The following SNCAIP variants were observed in gnomAD, a reference collection of about 807,000 sequenced individuals.
The protein encoded by SNCAIP is synuclein alpha interacting protein, also known as synphilin-1.
A neutral mutation model predicts 86.7 loss-of-function variants in SNCAIP; 43 were observed. That is an observed-to-expected ratio of 0.50 (90% CI 0.39 to 0.64). The LOEUF is 0.64. Among genes scored for constraint, SNCAIP ranks in the 30% least tolerant of loss-of-function variants. SNCAIP has a pLI of 0.00. For missense variants in SNCAIP, 981 were observed against 1,103.1 expected, an observed-to-expected ratio of 0.89 and a Z score of 1.57; for synonymous variants, 417 against 427.2, an observed-to-expected ratio of 0.98 and a Z score of 0.29.
intron 1 of SNCAIP, among the ~76,000 whole-genome samples, chr5:122,337,312 C>T (rs767355309): frequency 2.0e-5 from 3 of 152,126 alleles, no homozygotes; most frequent in South Asian, 4.1e-4. Context: ...TAAGCATATA[C>T]ACTTCTAAGA....
chr5:122,389,126 T>C (rs1768815520), intron 1 of SNCAIP: 1 of 152,244 alleles, frequency 6.6e-6, no homozygotes, highest in Non-Finnish European at 1.5e-5. Context: ...TTGCTGTCTA[T>C]ATTGTTGGAG....
intron 1 of SNCAIP, among the ~76,000 whole-genome samples, chr5:122,341,881 A>G (rs1222522674): frequency 1.3e-5 from 2 of 152,172 alleles, no homozygotes; most frequent in Non-Finnish European, 2.9e-5. Flanking sequence ...GATGCTTCCA[A>G]AATCCTTTGT....
intron 1 of SNCAIP, among the ~76,000 whole-genome samples, chr5:122,324,549 G>C (rs1024335442): frequency 6.6e-6 from 1 of 152,214 alleles, no homozygotes; most frequent in African/African-American, 2.4e-5. Context: ...TGTCTAACAA[G>C]TAAATGTGTT....
At chr5:122,429,855 G>A (rs933058614) in intron 5 of SNCAIP, among the ~76,000 whole-genome samples, 5 of 152,102 alleles carry the variant, frequency 3.3e-5, no homozygotes, top group African/African-American at 9.7e-5. Flanking sequence ...AAGAACTTGA[G>A]ATAGAAAGGA....
intron 3 of SNCAIP, among the ~76,000 whole-genome samples, chr5:122,410,816 G>T (rs547340425): frequency 6.6e-6 from 1 of 152,166 alleles, no homozygotes; most frequent in African/African-American, 2.4e-5. Flanking sequence ...GCGAGATTCC[G>T]TCTCAAAAAA....
At chr5:122,324,291 G>A (rs1753575002) in intron 1 of SNCAIP, among the ~76,000 whole-genome samples, 1 of 152,146 alleles carries the variant, frequency 6.6e-6, no homozygotes, top group African/African-American at 2.4e-5. Flanking sequence ...GAACAACCTG[G>A]ATAGAATTAG....
intron 6 of SNCAIP, among the ~76,000 whole-genome samples, chr5:122,438,472 C>T (rs974941393): frequency 1.3e-5 from 2 of 152,294 alleles, no homozygotes; most frequent in South Asian, 4.1e-4. Context: ...CAAACCCTGA[C>T]TGGAATGATC....
At chr5:122,335,217 G>A (rs1756193593) in intron 1 of SNCAIP, among the ~76,000 whole-genome samples, 1 of 152,118 alleles carries the variant, frequency 6.6e-6, no homozygotes, top group South Asian at 2.1e-4. Context: ...GTTTTATAGA[G>A]AAGTTTGAGA....
chr5:122,353,759 A>G (rs1760408933), intron 1 of SNCAIP, among the ~76,000 whole-genome samples: 1 of 152,162 alleles, frequency 6.6e-6, no homozygotes, highest in Non-Finnish European at 1.5e-5. Context: ...TCCCTAGCCA[A>G]GTGGAACTGT....
chr5:122,340,295 A>C (rs1288642866), intron 1 of SNCAIP, among the ~76,000 whole-genome samples: 1 of 152,190 alleles, frequency 6.6e-6, no homozygotes, highest in African/African-American at 2.4e-5. Flanking sequence ...GAATTATTTT[A>C]AATACTGAGG....
intron 1 of SNCAIP, among the ~76,000 whole-genome samples, chr5:122,359,504 C>T (rs772211412): frequency 1.6e-4 from 24 of 151,950 alleles, no homozygotes; most frequent in South Asian, 8.3e-4. Context: ...GCTGGGACTA[C>T]GGGCACGTGC....
chr5:122,326,102 C>T lies in SNCAIP; in HGVS notation c.-47+13818C>T, dbSNP rs566785528. 6.6e-5 allele frequency among the ~76,000 whole-genome samples: 10 copies of T among 152,286 alleles called. No individual in the cohort carries two copies. In the East Asian group the frequency reaches 1.5e-3, roughly 24 times the overall value. On this transcript the variant is annotated intron_variant, in intron 1 of 10. Transcript: ENST00000261368. ...AATATTGACAGCTCAGCATCTTCAACTTAATTACTGTAAGGGCTGAGGCTA... is the reference window on the plus strand; with the variant it reads ...AATATTGACAGCTCAGCATCTTCAATTTAATTACTGTAAGGGCTGAGGCTA...
chr5:122,401,003 G>C (rs1771693051), intron 2 of SNCAIP: 1 of 1,550,084 alleles, frequency 6.5e-7, no homozygotes, highest in Non-Finnish European at 8.7e-7. Flanking sequence ...GGAGTCAAGG[G>C]AACAGGCTAC....
Position 122,403,820 on chromosome 5 carries a change from C to G in SNCAIP, c.85C>G (p.Pro29Ala). The change falls in exon 3 of 11, where the codon CCA (proline) becomes GCA (alanine). Residue 29 changes from proline (P) to alanine (A), a missense_variant. By Grantham distance (27) the Pro-to-Ala change is conservative (BLOSUM62 -1). Transcript: ENST00000261368. The stretch of plus-strand genomic sequence containing the variant: ...TTCAGTCACATCACTCAAGACGATC[C>G]CAGAACTGTGCCGAAGATGTGATAC... ...SYSVTSLKTI[P>A]ELCRRCDTQN... 3 of 1,613,782 alleles carry G rather than the reference C, an allele frequency of 1.9e-6. No homozygotes were observed. The highest frequency in any genetic ancestry group is 2.5e-6 in the Non-Finnish European group (3 of 1,179,780).
At chr5:122,434,823 G>A (rs1182273870) in intron 6 of SNCAIP, among the ~76,000 whole-genome samples, 2 of 152,208 alleles carry the variant, frequency 1.3e-5, no homozygotes, top group East Asian at 1.9e-4. Flanking sequence ...GTTATTGAAC[G>A]GTTTTCTAAT....
chr5:122,352,662 T>C (rs575830528), intron 1 of SNCAIP, among the ~76,000 whole-genome samples: 1 of 152,336 alleles, frequency 6.6e-6, no homozygotes, highest in African/African-American at 2.4e-5. Context: ...TGTTTTACAG[T>C]AAATTTTTGG....
At chr5:122,343,526 G>A (rs1048932051) in intron 1 of SNCAIP, among the ~76,000 whole-genome samples, 1 of 152,120 alleles carries the variant, frequency 6.6e-6, no homozygotes, top group South Asian at 2.1e-4. Flanking sequence ...TGCTTTCATG[G>A]ATCACTGAGA....
chr5:122,437,306 G>A (rs895879907), intron 6 of SNCAIP: 2 of 152,130 alleles, frequency 1.3e-5, no homozygotes, highest in African/African-American at 4.8e-5. Context: ...CATCTCCACA[G>A]GCATGGTCCC....
intron 1 of SNCAIP, among the ~76,000 whole-genome samples, chr5:122,355,627 A>G (rs1320316567): frequency 6.6e-6 from 1 of 152,226 alleles, no homozygotes; most frequent in African/African-American, 2.4e-5. Flanking sequence ...CTTTAACACC[A>G]GAAAAGTACC....
Sources: gnomAD v4.1 joint callset for allele counts (sites outside exome capture counted in the v4.1 genomes callset) on GRCh38, gnomAD v4.1.1 for gene constraint, MANE v1.5 for transcripts, NCBI Gene and HGNC (gene_info 2026-07-23, HGNC 2026-07-21) for gene names.